The following GET4 variants were observed in gnomAD, a reference collection of about 807,000 sequenced individuals.
GET4 encodes Golgi to ER traffic protein 4 homolog.
GET4 carries 20 observed loss-of-function variants against 40.0 expected under a neutral mutation model. The observed-to-expected ratio is 0.50, with a 90% CI of 0.35 to 0.73. The LOEUF (loss-of-function observed/expected upper bound fraction) is 0.73. Among genes scored for constraint, GET4 ranks in the 30% least tolerant of loss-of-function variants. GET4 has a pLI of 0.01. For missense variants in GET4, 557 were observed against 454.0 expected (o/e 1.23, Z -2.06); for synonymous variants, 280 against 194.6 (o/e 1.44, Z -3.65).
At chr7:886,755 T>C in intron 3 of GET4, 105 bp downstream of exon 3, 1 of 770,482 alleles carries the variant, frequency 1.3e-6, no homozygotes, top group South Asian at 1.5e-5. Context: ...GGGTCTTGTG[T>C]GCTGTGGGGT....
chr7:895,491 G>T lies in GET4; in HGVS notation c.*69G>T. The T allele has an allele frequency of 1.2e-6, 1 of 803,476 alleles. No individual in the cohort carries two copies. Among genetic ancestry groups the T allele is most frequent in the East Asian group, 2.7e-5 (1 of 37,618 alleles). The allele number at this position is 803,476 out of a possible 1,614,324, so 49.8% of individuals were successfully genotyped here. A position where few individuals can be genotyped will look rare whatever the true frequency, so the allele number is the denominator to read the frequency against. On this transcript the variant is annotated 3_prime_UTR_variant, in exon 9 of 9. Coordinates refer to ENST00000265857, the MANE Select transcript of GET4 (RefSeq NM_015949.3). ...AGGGACGTTTCAGAGGCGAGTCCTG[G>T]GTGGCTCCTCGCCTTGGGGGCTCCT...
At chr7:883,552 C>T (rs1054643816) in intron 1 of GET4, 3 of 985,094 alleles carry the variant, frequency 3.0e-6, no homozygotes, top group African/African-American at 3.5e-5. Context: ...ATGTTTTGGC[C>T]GGCAGAGAGC....
rs1001518174 is a variant in GET4 at position 896,149 on chromosome 7, A to C, written c.*727A>C. 1 of 152,120 alleles carries C rather than the reference A, an allele frequency of 6.6e-6. No individual in the cohort carries two copies. Among genetic ancestry groups the C allele is most frequent in the Non-Finnish European group, 1.5e-5 (1 of 68,024 alleles). 9.4% of individuals were successfully genotyped at this position (152,120 alleles called of 1,614,324 possible). ...CTGCCCGTCTCTTTCATAACGCAATATTTATTTGTATTGGGTGATGATTGA... is the reference window on the plus strand; with the variant it reads ...CTGCCCGTCTCTTTCATAACGCAATCTTTATTTGTATTGGGTGATGATTGA... On this transcript the variant is annotated 3_prime_UTR_variant, in exon 9 of 9. Transcript: ENST00000265857.
chr7:891,123 C>G (rs1462253027), intron 5 of GET4, 57 bp downstream of exon 5: 3 of 1,416,222 alleles, frequency 2.1e-6, no homozygotes, highest in Non-Finnish European at 2.9e-6. Flanking sequence ...GCTGGGCAGC[C>G]TTAGAACAGG....
chr7:886,285 C>A (rs1844186475), intron 2 of GET4, 151 bp downstream of exon 2: 1 of 629,790 alleles, frequency 1.6e-6, no homozygotes, highest in Admixed American at 2.7e-5. Context: ...CCAGAGTCCC[C>A]CCTGGCTTGG....
intron 6 of GET4, among the ~76,000 whole-genome samples, chr7:893,137 G>GTT (rs1562898103): frequency 6.7e-5 from 9 of 133,480 alleles, no homozygotes; most frequent in South Asian, 2.7e-4. Context: ...GGCGTGGTGT[G>GTT]TGCAGGTGAG....
chr7:886,086 C>A lies in GET4; in HGVS notation c.186C>A (p.Ala62=). ...TGTCCCAGAGCAAGCACACGGAGGC[C>A]CGGGAGCTCATGTACTCGGGAGCCC... is the stretch of plus-strand genomic sequence containing the variant. The part of the protein sequence containing the change: ...RYMSQSKHTE[A]RELMYSGALL... The change falls in exon 2 of 9, where the codon GCC becomes GCA. Residue 62 remains alanine, a synonymous_variant. Coordinates refer to ENST00000265857, the MANE Select transcript of GET4 (RefSeq NM_015949.3). 6.2e-7 allele frequency: 1 copy of A among 1,610,784 alleles called. No homozygotes were observed. Among genetic ancestry groups the A allele is most frequent in the Non-Finnish European group, 8.5e-7 (1 of 1,178,216 alleles).
At chr7:893,682 C>T (rs1169526502) in intron 6 of GET4, 58 bp from the exon 7 acceptor site, 9 of 1,152,016 alleles carry the variant, frequency 7.8e-6, no homozygotes, top group Admixed American at 1.9e-5. Flanking sequence ...GTGGTTTGTG[C>T]AGGTGAGTGT....
Position 895,691 on chromosome 7 carries a change from G to C in GET4, c.*269G>C, listed in dbSNP as rs749240002. The C allele has an allele frequency of 1.4e-5, 4 of 281,084 alleles. No homozygotes were observed. The highest frequency in any genetic ancestry group is 2.0e-5 in the Non-Finnish European group (3 of 148,914). The allele number at this position is 281,084 out of a possible 1,614,324, so 17.4% of individuals were successfully genotyped here. ...AATAAAGCACAGGCCTTACCGCGGC[G>C]TCACCCTCTCCCACTCCTTTGTTCT... On this transcript the variant is annotated 3_prime_UTR_variant, in exon 9 of 9. Transcript: ENST00000265857.
chr7:888,421 G>T (rs1168727749), intron 4 of GET4, among the ~76,000 whole-genome samples: 3 of 152,252 alleles, frequency 2.0e-5, no homozygotes, highest in Non-Finnish European at 4.4e-5. Flanking sequence ...TGCAGGTTCC[G>T]CCTGGGCTGT....
chr7:895,450 G>GT lies in GET4; in HGVS notation c.*28_*29insT. ...TGGCCAGGCCACGTGGAGACACCAC[G>GT]GTCGACGACGGCTGGAGGGACGTTT... On this transcript the variant is annotated 3_prime_UTR_variant, in exon 9 of 9. Coordinates refer to ENST00000265857, the MANE Select transcript of GET4 (RefSeq NM_015949.3). The GT allele has an allele frequency of 8.3e-7, 1 of 1,202,080 alleles. No individual in the cohort carries two copies. Among genetic ancestry groups the GT allele is most frequent in the Non-Finnish European group, 1.2e-6 (1 of 815,386 alleles). The allele number at this position is 1,202,080 out of a possible 1,614,324, so 74.5% of individuals were successfully genotyped here.
In GET4 at chr7:895,463, T is replaced by TGGAGGGACGTTTCAGAGGCGAGTCCTG; in HGVS notation, c.*44_*70dup. 1 of 1,066,562 alleles carries TGGAGGGACGTTTCAGAGGCGAGTCCTG rather than the reference T, an allele frequency of 9.4e-7. No homozygotes were observed. The highest frequency in any genetic ancestry group is 1.4e-6 in the Non-Finnish European group (1 of 695,364). 66.1% of individuals were successfully genotyped at this position (1,066,562 alleles called of 1,614,324 possible). A position where few individuals can be genotyped will look rare whatever the true frequency, so the allele number is the denominator to read the frequency against. ...TGGAGACACCACGGTCGACGACGGC[T>TGGAGGGACGTTTCAGAGGCGAGTCCTG]GGAGGGACGTTTCAGAGGCGAGTCC... On this transcript the variant is annotated 3_prime_UTR_variant, in exon 9 of 9. Transcript: ENST00000265857.
At chr7:892,052 T>C (rs1380654853) in intron 5 of GET4, among the ~76,000 whole-genome samples, 1 of 152,260 alleles carries the variant, frequency 6.6e-6, no homozygotes, top group African/African-American at 2.4e-5. Flanking sequence ...CTCCAGAGCC[T>C]GGTCACATTC....
chr7:892,449 G>A, intron 6 of GET4, 31 bp downstream of exon 6: 1 of 1,580,072 alleles, frequency 6.3e-7, no homozygotes. Context: ...GGGGGAGGGG[G>A]CTGTGAATGT....
At chr7:884,261 C>G (rs745753154) in intron 1 of GET4, 8 of 1,303,998 alleles carry the variant, frequency 6.1e-6, no homozygotes, top group Non-Finnish European at 8.1e-6. Context: ...TGTCTGGGAG[C>G]TTGTTTTTCC....
In GET4 at chr7:886,665, C is replaced by T. The variant is rs1319739821; in HGVS notation, c.316+15C>T. 1.2e-5 allele frequency: 19 copies of T among 1,583,568 alleles called. No homozygotes were observed. Among genetic ancestry groups the T allele is most frequent in the East Asian group, 2.2e-5 (1 of 44,748 alleles). ...CGAGCTGCTGGGTGAGCATCCGGCC[C>T]TTCACCCCGGGACCCTGTGACAGCG... is the stretch of plus-strand genomic sequence containing the variant. On this transcript the variant is annotated intron_variant, in intron 3 of 8. Transcript: ENST00000265857.
In GET4 at chr7:893,721, CTG is replaced by C. The variant is rs763694700; in HGVS notation, c.747-13_747-12del. On this transcript the variant is annotated splice_polypyrimidine_tract_variant and intron_variant, in intron 6 of 8. Coordinates refer to ENST00000265857, the MANE Select transcript of GET4 (RefSeq NM_015949.3). ...CCTGTTCTGCTCACCCAGCACATCC[CTG>C]TGTGTCTCTGTCCCAGTGGGAAGCT... The C allele has an allele frequency of 2.6e-6, 4 of 1,556,180 alleles. No homozygotes were observed. The highest frequency in any genetic ancestry group is 2.7e-5 in the African/African-American group (2 of 73,794).
intron 4 of GET4, 112 bp from the exon 5 acceptor site, chr7:890,816 C>G (rs1455398019): frequency 3.5e-6 from 3 of 850,604 alleles, no homozygotes; most frequent in East Asian, 2.6e-5. Flanking sequence ...TGGCTGGGCT[C>G]TCCTCCAGGG....
intron 1 of GET4, among the ~76,000 whole-genome samples, chr7:878,959 C>T (rs1844027826): frequency 8.5e-6 from 1 of 118,042 alleles, no homozygotes; most frequent in Admixed American, 1.0e-4. Context: ...CTTTGGACAG[C>T]CTCCTGCCCC....
Sources: gnomAD v4.1 joint callset for allele counts (sites outside exome capture counted in the v4.1 genomes callset) on GRCh38, gnomAD v4.1.1 for gene constraint, MANE v1.5 for transcripts, NCBI Gene and HGNC (gene_info 2026-07-23, HGNC 2026-07-21) for gene names.